ADAMTSL1: variants seen among roughly 807,000 people sequenced by gnomAD.
ADAMTSL1 encodes ADAMTS-like protein 1.
A neutral mutation model predicts 201.8 loss-of-function variants in ADAMTSL1; 126 were observed. The ratio of observed to expected loss-of-function variants is 0.62; its 90% CI spans 0.54 to 0.72. The LOEUF (loss-of-function observed/expected upper bound fraction) is 0.72, where lower values mean the gene tolerates loss of function less well. Ranked by LOEUF, ADAMTSL1 falls within the 30% of genes least tolerant of loss-of-function variation. The probability of loss-of-function intolerance (pLI) is 0.00; values close to 1 mark genes in which losing one functional copy is unlikely to be tolerated. For missense variants in ADAMTSL1, 2,679 were observed against 2,277.8 expected, an observed-to-expected ratio of 1.18 and a Z score of -3.59; for synonymous variants, 1,121 against 903.4, an observed-to-expected ratio of 1.24 and a Z score of -4.32.
At chr9:18,657,608 A>C in intron 7 of ADAMTSL1, 31 bp from the exon 8 acceptor site, 1 of 1,552,016 alleles carries the variant, frequency 6.4e-7, no homozygotes, top group Non-Finnish European at 8.9e-7. Flanking sequence ...GCACTGTCAC[A>C]TTACTTCTAC....
chr9:18,416,432 C>A (rs1443050803), intron 2 of ADAMTSL1, among the ~76,000 whole-genome samples: 2 of 151,748 alleles, frequency 1.3e-5, no homozygotes, highest in Admixed American at 1.3e-4. Flanking sequence ...AGAGAGTAAA[C>A]TAAGAACAGA....
At chr9:18,287,581 A>G (rs1000772015) in intron 2 of ADAMTSL1, among the ~76,000 whole-genome samples, 8 of 145,938 alleles carry the variant, frequency 5.5e-5, no homozygotes, top group Non-Finnish European at 1.0e-4. Context: ...ATGTAAATAT[A>G]TGTGTATATA....
At chr9:18,593,439 A>T (rs1239512445) in intron 4 of ADAMTSL1, among the ~76,000 whole-genome samples, 1 of 151,792 alleles carries the variant, frequency 6.6e-6, no homozygotes, top group Non-Finnish European at 1.5e-5. Flanking sequence ...TTTTACATCT[A>T]CTAATTTGTG....
chr9:18,624,840 A>G (rs1407434239), intron 5 of ADAMTSL1, among the ~76,000 whole-genome samples: 1 of 152,216 alleles, frequency 6.6e-6, no homozygotes. Context: ...GACCGACAGT[A>G]GGTAAATTAT....
chr9:17,920,035 C>T (rs896677249), intron 1 of ADAMTSL1, among the ~76,000 whole-genome samples: 2 of 152,038 alleles, frequency 1.3e-5, no homozygotes, highest in African/African-American at 4.8e-5. Context: ...GAAGTGATTC[C>T]TCATTGTGAT....
chr9:18,273,937 G>A (rs1196106859), intron 2 of ADAMTSL1, among the ~76,000 whole-genome samples: 1 of 152,130 alleles, frequency 6.6e-6, no homozygotes, highest in Non-Finnish European at 1.5e-5. Context: ...ATTAAATTCT[G>A]GAAATTCTCA....
At chr9:18,494,191 A>T (rs866558005) in intron 1 of ADAMTSL1, among the ~76,000 whole-genome samples, 1 of 152,124 alleles carries the variant, frequency 6.6e-6, no homozygotes, top group African/African-American at 2.4e-5. Flanking sequence ...CCCTGTCTCT[A>T]TTAAAAATAC....
chr9:18,287,336 T>C (rs1833029946), intron 2 of ADAMTSL1, among the ~76,000 whole-genome samples: 1 of 151,532 alleles, frequency 6.6e-6, no homozygotes, highest in African/African-American at 2.4e-5. Context: ...CACACACACG[T>C]GTGTGTATAT....
intron 1 of ADAMTSL1, among the ~76,000 whole-genome samples, chr9:18,118,691 G>T (rs796463023): frequency 7.2e-5 from 11 of 152,268 alleles, no homozygotes; most frequent in African/African-American, 2.6e-4. Context: ...TCTACACTCA[G>T]CCCTAGGATT....
chr9:18,273,074 C>CAA, intron 2 of ADAMTSL1, among the ~76,000 whole-genome samples: 1 of 152,130 alleles, frequency 6.6e-6, no homozygotes, highest in East Asian at 1.9e-4. Flanking sequence ...TTGCAGGGAC[C>CAA]AAAAGGTCCA....
intron 2 of ADAMTSL1, among the ~76,000 whole-genome samples, chr9:18,403,006 G>A (rs1818043651): frequency 6.6e-6 from 1 of 152,138 alleles, no homozygotes; most frequent in Non-Finnish European, 1.5e-5. Context: ...GAAGCCAGGG[G>A]TTTGTGACTT....
At chr9:18,830,995 C>T (rs1014374969) in intron 23 of ADAMTSL1, among the ~76,000 whole-genome samples, 3 of 152,192 alleles carry the variant, frequency 2.0e-5, no homozygotes, top group Non-Finnish European at 4.4e-5. Context: ...AACAGGAGGC[C>T]AGTGGGTTCC....
chr9:18,907,320 A>G lies in ADAMTSL1; in HGVS notation c.5182+408A>G, dbSNP rs549132826. 2.1e-4 allele frequency: 44 copies of G among 205,456 alleles called. No homozygotes were observed. In the South Asian group the frequency reaches 3.6e-3, roughly 17 times the overall value. 12.7% of individuals were successfully genotyped at this position (205,456 alleles called of 1,614,324 possible). ...CAGAGTGCCTCCTGCTCAGCCAACC[A>G]GATCTGCGCCCATCACACCTCTGCT... On this transcript the variant is annotated intron_variant, in intron 28 of 28. Transcript: ENST00000380548.
chr9:18,574,346 T>C (rs754439661), intron 4 of ADAMTSL1, 80 bp downstream of exon 4: 21 of 1,183,392 alleles, frequency 1.8e-5, no homozygotes, highest in Admixed American at 6.8e-5. Context: ...AGTCTCACTC[T>C]CTGAATCACT....
At chr9:18,595,760 G>T (rs186960818) in intron 4 of ADAMTSL1, among the ~76,000 whole-genome samples, 1 of 152,220 alleles carries the variant, frequency 6.6e-6, no homozygotes, top group Admixed American at 6.5e-5. Flanking sequence ...GGACCCCTTG[G>T]CAGATGATTT....
At chr9:18,252,409 C>T (rs929248102) in intron 2 of ADAMTSL1, among the ~76,000 whole-genome samples, 2 of 152,084 alleles carry the variant, frequency 1.3e-5, no homozygotes, top group African/African-American at 2.4e-5. Flanking sequence ...CAGGACCTCC[C>T]ATGGATACCA....
At position 17,911,482 on chromosome 9, in the gene ADAMTSL1, C is replaced by G. The variant is rs1196434725; in HGVS notation, c.87+4560C>G. Among the ~76,000 whole-genome samples, 3 of 68,244 alleles carry G rather than the reference C, an allele frequency of 4.4e-5. 1 individual carries two copies. Among genetic ancestry groups the G allele is most frequent in the African/African-American group, 8.9e-5 (3 of 33,784 alleles). The allele number at this position is 68,244 out of a possible 152,430, so 44.8% of individuals were successfully genotyped here. ...ATCCATTACTGTTGCTTAAAAATGT[C>G]ACTTGCTGGCGGTTCATGTCCTTTT... On this transcript the variant is annotated intron_variant, in intron 1 of 29. Coordinates refer to the ADAMTSL1 transcript ENST00000680146.
At position 18,622,458 on chromosome 9, in the gene ADAMTSL1, A is replaced by G. The variant is rs771716477; in HGVS notation, c.601+89A>G. The G allele has an allele frequency of 1.9e-6, 3 of 1,568,266 alleles. No individual in the cohort carries two copies. In the East Asian group the frequency reaches 6.8e-5, roughly 36 times the overall value. ...GGCCCCACTAAACAGCCAGGGAACA[A>G]CACCTCCACCAAAACGATAATGAAC... On this transcript the variant is annotated intron_variant, in intron 5 of 28. Transcript: ENST00000380548.
chr9:18,445,946 A>G (rs961594878), intron 2 of ADAMTSL1, among the ~76,000 whole-genome samples: 1 of 152,122 alleles, frequency 6.6e-6, no homozygotes, highest in Non-Finnish European at 1.5e-5. Flanking sequence ...TAGTTACCCT[A>G]TCATGTAGGT....
Sources: gnomAD v4.1 joint callset for allele counts (sites outside exome capture counted in the v4.1 genomes callset) on GRCh38, gnomAD v4.1.1 for gene constraint, MANE v1.5 for transcripts, NCBI Gene and HGNC (gene_info 2026-07-23, HGNC 2026-07-21) for gene names.